The following DACH1 variants were observed in gnomAD, a reference collection of about 807,000 sequenced individuals.
DACH1 encodes the protein dachshund family transcription factor 1, also known as dachshund homolog 1.
Under a neutral mutation model 54.2 loss-of-function variants are expected in DACH1, and 12 were observed. That is an observed-to-expected ratio of 0.22 (90% CI 0.14 to 0.36). The LOEUF (loss-of-function observed/expected upper bound fraction) is 0.36, where lower values mean the gene tolerates loss of function less well. Ranked by LOEUF, DACH1 falls within the 10% of genes least tolerant of loss-of-function variation. DACH1 has a pLI of 1.00. For missense variants in DACH1, 805 were observed against 929.8 expected, an observed-to-expected ratio of 0.87 and a Z score of 1.75; for synonymous variants, 386 against 366.2, an observed-to-expected ratio of 1.05 and a Z score of -0.62.
intron 2 of DACH1, among the ~76,000 whole-genome samples, chr13:71,635,186 ATTG>A (rs1253416650): frequency 1.3e-5 from 2 of 152,206 alleles, no homozygotes; most frequent in African/African-American, 2.4e-5. Context: ...TTAAAACATT[ATTG>A]TTATGTTACA....
rs115208006 is a variant in DACH1 at position 71,598,233 on chromosome 13, G to C, written c.1127-25221C>G. Among the ~76,000 whole-genome samples the C allele has an allele frequency of 5.4e-3, 818 of 152,192 alleles. 6 individuals carry two copies. The highest frequency in any genetic ancestry group is 0.024 in the Middle Eastern group (7 of 294). ...ACTGAAGACACAGTATAAATATTTT[G>C]ATAAATGTTGCAATTTAAAATTTAT... is the stretch of plus-strand genomic sequence containing the variant. On this transcript the variant is annotated intron_variant, in intron 3 of 10. Transcript: ENST00000613252.
chr13:71,585,670 G>A (rs1483132585), intron 3 of DACH1, among the ~76,000 whole-genome samples: 3 of 152,142 alleles, frequency 2.0e-5, no homozygotes, highest in African/African-American at 7.2e-5. Context: ...AAGGAATTAG[G>A]TAGGCTAGGA....
chr13:71,759,334 G>C (rs1263758949), intron 1 of DACH1, among the ~76,000 whole-genome samples: 2 of 151,890 alleles, frequency 1.3e-5, no homozygotes, highest in Non-Finnish European at 2.9e-5. Context: ...TTTAAATATT[G>C]GTTTATAAAA....
chr13:71,475,437 A>G (rs1566281532), intron 9 of DACH1, among the ~76,000 whole-genome samples: 1 of 152,172 alleles, frequency 6.6e-6, no homozygotes, highest in East Asian at 1.9e-4. Flanking sequence ...TTCTCAAATT[A>G]CTATTTTATT....
chr13:71,508,028 T>C (rs538315508), intron 6 of DACH1, among the ~76,000 whole-genome samples: 14 of 152,278 alleles, frequency 9.2e-5, no homozygotes, highest in African/African-American at 3.4e-4. Context: ...GATGAGCCCA[T>C]ACAAATCCTA....
chr13:71,744,155 C>CAA (rs1884513040), intron 1 of DACH1, among the ~76,000 whole-genome samples: 1 of 152,016 alleles, frequency 6.6e-6, no homozygotes, highest in Non-Finnish European at 1.5e-5. Context: ...GAAAAAGCAA[C>CAA]AAAGAAAGGT....
intron 1 of DACH1, among the ~76,000 whole-genome samples, chr13:71,700,581 AAAAAG>A (rs965119473): frequency 1.2e-5 from 1 of 84,878 alleles, no homozygotes; most frequent in East Asian, 2.4e-4. Flanking sequence ...AAAAAAAAAA[AAAAAG>A]AGAGAGAGAG....
At chr13:71,784,257 C>A (rs1263170031) in intron 1 of DACH1, among the ~76,000 whole-genome samples, 1 of 151,920 alleles carries the variant, frequency 6.6e-6, no homozygotes, top group African/African-American at 2.4e-5. Flanking sequence ...TATGTGTAGG[C>A]AAGATAGTAC....
intron 1 of DACH1, among the ~76,000 whole-genome samples, chr13:71,771,390 T>TCTATC (rs1253211570): frequency 1.3e-5 from 2 of 151,372 alleles, no homozygotes; most frequent in African/African-American, 4.8e-5. Flanking sequence ...ACAGATTTCT[T>TCTATC]CTAAGCTGAG....
At chr13:71,554,071 C>T (rs1350112056) in intron 6 of DACH1, among the ~76,000 whole-genome samples, 1 of 151,928 alleles carries the variant, frequency 6.6e-6, no homozygotes, top group African/African-American at 2.4e-5. Context: ...ATGAAGTTAT[C>T]TGTTTGATAG....
chr13:71,535,638 A>G (rs1279606033), intron 6 of DACH1, among the ~76,000 whole-genome samples: 2 of 151,982 alleles, frequency 1.3e-5, no homozygotes, highest in Non-Finnish European at 2.9e-5. Context: ...TTTATTTTCC[A>G]TACAAATATT....
chr13:71,590,875 CT>C lies in DACH1; in HGVS notation c.1127-17864del, dbSNP rs71123234. 4.0e-3 allele frequency among the ~76,000 whole-genome samples: 341 copies of C among 85,118 alleles called. 2 individuals are homozygous for C. Among genetic ancestry groups the C allele is most frequent in the African/African-American group, 0.013 (280 of 21,500 alleles). The allele number at this position is 85,118 out of a possible 152,430, so 55.8% of individuals were successfully genotyped here. A position where few individuals can be genotyped will look rare whatever the true frequency, so the allele number is the denominator to read the frequency against. On this transcript the variant is annotated intron_variant, in intron 3 of 10. Transcript: ENST00000613252. ...TCTCTCTGTCTCTGTCTCTCTCTTT[CT>C]TTTTTTTTTTTTTTTTTTTTTTGAG...
At chr13:71,817,159 A>G (rs973110686) in intron 1 of DACH1, among the ~76,000 whole-genome samples, 17 of 152,216 alleles carry the variant, frequency 1.1e-4, no homozygotes, top group African/African-American at 4.1e-4. Flanking sequence ...TATAAAGGAG[A>G]AAGGAAATAT....
chr13:71,464,474 T>C (rs184422463), intron 10 of DACH1: 1 of 326,834 alleles, frequency 3.1e-6, no homozygotes, highest in East Asian at 8.4e-5. Flanking sequence ...CAATTTTTAT[T>C]TTAATGAAGA....
At chr13:71,446,344 G>A (rs9572750) in intron 10 of DACH1, among the ~76,000 whole-genome samples, 8 of 152,042 alleles carry the variant, frequency 5.3e-5, no homozygotes, top group Admixed American at 4.6e-4. Context: ...GTTATTCCTC[G>A]ATATCTCAAA....
At chr13:71,801,283 C>T (rs912571857) in intron 1 of DACH1, among the ~76,000 whole-genome samples, 2 of 152,052 alleles carry the variant, frequency 1.3e-5, no homozygotes, top group African/African-American at 4.8e-5. Context: ...TCTCTGTTTG[C>T]CACCAGAAAT....
intron 1 of DACH1, among the ~76,000 whole-genome samples, chr13:71,719,260 C>G (rs1006309230): frequency 6.6e-6 from 1 of 152,124 alleles, no homozygotes; most frequent in African/African-American, 2.4e-5. Flanking sequence ...AGTAAATGAG[C>G]CTTTGTAGGC....
intron 10 of DACH1, among the ~76,000 whole-genome samples, chr13:71,468,439 A>G (rs1876787931): frequency 6.6e-6 from 1 of 152,188 alleles, no homozygotes; most frequent in African/African-American, 2.4e-5. Flanking sequence ...TTTCTTAACT[A>G]TTAGCTTCCA....
At position 71,467,280 on chromosome 13, in the gene DACH1, A is replaced by G. The variant is rs567132420; in HGVS notation, c.2083+7861T>C. ...AAAAGAATAAAATATATTCTCACTC[A>G]TAGGTGAGAATTGAACAATGAGAAC... On this transcript the variant is annotated intron_variant, in intron 10 of 10. Transcript: ENST00000613252. Among the ~76,000 whole-genome samples, 657 of 144,442 alleles carry G rather than the reference A, an allele frequency of 4.5e-3. 4 individuals carry two copies. Among genetic ancestry groups the G allele is most frequent in the Non-Finnish European group, 7.7e-3 (512 of 66,530 alleles). The allele number at this position is 144,442 out of a possible 152,430, so 94.8% of individuals were successfully genotyped here.
Sources: allele counts gnomAD v4.1 joint callset (sites outside exome capture counted in the v4.1 genomes callset), GRCh38; gene constraint gnomAD v4.1.1; transcripts MANE v1.5; gene names NCBI Gene and HGNC (gene_info 2026-07-23, HGNC 2026-07-21).